Variants in NCOA1 observed in about 807,000 individuals in gnomAD.
NCOA1 encodes the protein nuclear receptor coactivator 1.
Under a neutral mutation model 150.9 loss-of-function variants are expected in NCOA1, and 35 were observed. That is an observed-to-expected ratio of 0.23 (90% CI 0.18 to 0.31). The LOEUF is 0.31. NCOA1 is among the 10% of genes least tolerant of loss of function. The probability of loss-of-function intolerance (pLI) is 1.00; values close to 1 mark genes in which losing one functional copy is unlikely to be tolerated. For synonymous variants in NCOA1, 590 were observed against 630.0 expected (o/e 0.94, Z 0.95); for missense variants, 1,491 against 1,749.3 (o/e 0.85, Z 2.63).
Position 24,708,341 on chromosome 2 carries a change from T to A in NCOA1, c.2418+453T>A, listed in dbSNP as rs2148597860. Among the ~76,000 whole-genome samples the A allele has an allele frequency of 1.3e-5, 2 of 152,292 alleles. 1 individual carries two copies. The highest frequency in any genetic ancestry group is 4.1e-4 in the South Asian group (2 of 4,830). ...TTTTTATTTCCTTTGAAGCATTTCC[T>A]AAGGCTGTTTTTTCCTTCTCATCTG... On this transcript the variant is annotated intron_variant, in intron 13 of 22. Transcript: ENST00000348332.
intron 1 of NCOA1, among the ~76,000 whole-genome samples, chr2:24,534,576 T>C (rs1399096706): frequency 6.6e-6 from 1 of 152,226 alleles, no homozygotes; most frequent in Non-Finnish European, 1.5e-5. Context: ...TGCTTTCTCT[T>C]GTGGGCATTT....
chr2:24,588,514 G>A (rs148472112), intron 3 of NCOA1, among the ~76,000 whole-genome samples: 5 of 152,218 alleles, frequency 3.3e-5, no homozygotes, highest in East Asian at 3.9e-4. Context: ...CCCCCTCTCC[G>A]TTGAGATTGT....
chr2:24,677,488 A>G (rs1326992598), intron 7 of NCOA1, among the ~76,000 whole-genome samples: 1 of 152,138 alleles, frequency 6.6e-6, no homozygotes, highest in Non-Finnish European at 1.5e-5. Flanking sequence ...CAGTGACACA[A>G]TCTCGGATTA....
chr2:24,723,149 G>C (rs1674441964), intron 14 of NCOA1, among the ~76,000 whole-genome samples: 1 of 151,812 alleles, frequency 6.6e-6, no homozygotes, highest in Non-Finnish European at 1.5e-5. Context: ...CGTTTTTTCT[G>C]TACCTTCAAA....
chr2:24,491,509 GGCC>G lies in NCOA1; in HGVS notation c.-488_-486del, dbSNP rs1426101294. Among the ~76,000 whole-genome samples the G allele has an allele frequency of 6.1e-5, 9 of 146,950 alleles. No individual in the cohort carries two copies. The highest frequency in any genetic ancestry group is 1.5e-4 in the African/African-American group (6 of 40,870). On this transcript the variant is annotated 5_prime_UTR_variant, in exon 1 of 23. Transcript: ENST00000348332. ...AGGGGGCCGGAGAGCCGCGGCGCCG[GGCC>G]CGAGGAGCGGCGGAGGCCGGGGCGG...
intron 1 of NCOA1, among the ~76,000 whole-genome samples, chr2:24,493,033 G>T (rs1349594349): frequency 1.3e-5 from 2 of 151,798 alleles, no homozygotes; most frequent in Non-Finnish European, 2.9e-5. Flanking sequence ...CTATGATGTT[G>T]TAGGAAGGGG....
At chr2:24,747,229 G>A (rs966775075) in intron 19 of NCOA1, among the ~76,000 whole-genome samples, 1 of 151,628 alleles carries the variant, frequency 6.6e-6, no homozygotes, top group African/African-American at 2.4e-5. Flanking sequence ...CTTGTACTTG[G>A]AGTCTCTTAT....
At chr2:24,746,200 T>C (rs1663908426) in intron 19 of NCOA1, among the ~76,000 whole-genome samples, 1 of 152,230 alleles carries the variant, frequency 6.6e-6, no homozygotes, top group Admixed American at 6.5e-5. Flanking sequence ...GTTGCCACTG[T>C]CACATGTCTG....
intron 17 of NCOA1, among the ~76,000 whole-genome samples, chr2:24,731,900 A>G (rs913323249): frequency 4.6e-5 from 7 of 152,230 alleles, no homozygotes; most frequent in Non-Finnish European, 7.3e-5. Context: ...CTTTTTGACT[A>G]CAAGACCTGA....
chr2:24,621,432 A>ATTTT (rs1162282258), intron 3 of NCOA1, among the ~76,000 whole-genome samples: 632 of 38,892 alleles, frequency 0.016, 160 homozygotes, highest in African/African-American at 0.024. Context: ...ATTCAGGCAG[A>ATTTT]TTTTTTTTTT....
intron 1 of NCOA1, among the ~76,000 whole-genome samples, chr2:24,496,332 A>G (rs1663210201): frequency 6.6e-6 from 1 of 152,238 alleles, no homozygotes; most frequent in Admixed American, 6.5e-5. Context: ...AATTTGCTGT[A>G]GATGGCATAT....
At chr2:24,570,523 A>T (rs1487372957) in intron 2 of NCOA1, among the ~76,000 whole-genome samples, 1 of 151,824 alleles carries the variant, frequency 6.6e-6, no homozygotes, top group Non-Finnish European at 1.5e-5. Context: ...TAGAGCAACC[A>T]AATAGTTGCT....
chr2:24,629,817 C>CATATACATATATATAT lies in NCOA1; in HGVS notation c.-174-14144_-174-14143insCATATATATATATATA, dbSNP rs1553439184. On this transcript the variant is annotated intron_variant, in intron 3 of 22. Coordinates refer to ENST00000348332, the MANE Select transcript of NCOA1 (RefSeq NM_003743.5). ...GACACTGTTTTAAGTAACATACATA[C>CATATACATATATATAT]ATATATATATATATATATATATATA... 9.8e-4 allele frequency among the ~76,000 whole-genome samples: 78 copies of CATATACATATATATAT among 79,340 alleles called. 1 individual carries two copies. Among genetic ancestry groups the CATATACATATATATAT allele is most frequent in the African/African-American group, 3.5e-3 (77 of 22,268 alleles). 52.1% of individuals were successfully genotyped at this position (79,340 alleles called of 152,430 possible). A position where few individuals can be genotyped will look rare whatever the true frequency, so the allele number is the denominator to read the frequency against.
At chr2:24,491,762 C>G (rs1433342766) in intron 1 of NCOA1, among the ~76,000 whole-genome samples, 160 bp downstream of exon 1, 2 of 151,476 alleles carry the variant, frequency 1.3e-5, no homozygotes, top group Non-Finnish European at 3.0e-5. Flanking sequence ...GAGTTCCCCT[C>G]GCGGCCCGGC....
In NCOA1 at chr2:24,739,418, C is replaced by A. The variant is rs779438143; in HGVS notation, c.3202-14C>A. 6.4e-7 allele frequency: 1 copy of A among 1,571,904 alleles called. No individual in the cohort carries two copies. Among genetic ancestry groups the A allele is most frequent in the Non-Finnish European group, 8.8e-7 (1 of 1,142,012 alleles). ...TGTGTAGAAATATATCTTATTGTTT[C>A]CATTTTTCTCTAGTTGATACACCAA... On this transcript the variant is annotated splice_polypyrimidine_tract_variant and intron_variant, in intron 17 of 22. Transcript: ENST00000348332.
intron 8 of NCOA1, among the ~76,000 whole-genome samples, chr2:24,687,212 G>A (rs1034764341): frequency 6.6e-6 from 1 of 151,972 alleles, no homozygotes; most frequent in African/African-American, 2.4e-5. Flanking sequence ...TGAACTGAGT[G>A]TGATTAGATA....
rs751527844 is a variant in NCOA1, at chr2:24,726,748, A to G, written c.2717+42A>G. The G allele has an allele frequency of 2.5e-5, 31 of 1,241,722 alleles. No individual in the cohort carries two copies. The South Asian group carries it at 3.3e-4, about 13-fold the overall frequency. 76.9% of individuals were successfully genotyped at this position (1,241,722 alleles called of 1,614,324 possible). On this transcript the variant is annotated intron_variant, in intron 15 of 22. Transcript: ENST00000348332. ...GTATTTTATAAGGTATCAGATACCA[A>G]CTTCTAAACAGAGAACTATTTTTTC...
At chr2:24,760,009 T>G (rs918605951) in intron 21 of NCOA1, among the ~76,000 whole-genome samples, 1 of 151,776 alleles carries the variant, frequency 6.6e-6, no homozygotes, top group African/African-American at 2.4e-5. Flanking sequence ...TTAAAGAAAA[T>G]TTAAATAAAA....
chr2:24,691,730 T>G (rs1227915342), intron 9 of NCOA1, 70 bp downstream of exon 9: 1 of 1,500,576 alleles, frequency 6.7e-7, no homozygotes, highest in African/African-American at 1.4e-5. Context: ...GGAAATTAAT[T>G]ATAAACTGCC....
Sources: allele counts gnomAD v4.1 joint callset (sites outside exome capture counted in the v4.1 genomes callset), GRCh38; gene constraint gnomAD v4.1.1; transcripts MANE v1.5; gene names NCBI Gene and HGNC (gene_info 2026-07-23, HGNC 2026-07-21).